Variants in ZRANB3 observed in about 807,000 individuals in gnomAD.
ZRANB3 encodes the protein DNA annealing helicase and endonuclease ZRANB3.
A neutral mutation model predicts 133.8 loss-of-function variants in ZRANB3; 125 were observed. The observed-to-expected ratio is 0.93, with a 90% CI of 0.81 to 1.08. The LOEUF (loss-of-function observed/expected upper bound fraction) is 1.08, where lower values mean the gene tolerates loss of function less well. ZRANB3 is among the 50% of genes least tolerant of loss of function. The pLI is 0.00. For synonymous variants in ZRANB3, 387 were observed against 432.7 expected (o/e 0.89, Z 1.31); for missense variants, 1,229 against 1,275.5 (o/e 0.96, Z 0.56).
At chr2:135,346,139 C>G (rs1684911309) in intron 5 of ZRANB3, among the ~76,000 whole-genome samples, 1 of 152,166 alleles carries the variant, frequency 6.6e-6, no homozygotes, top group Non-Finnish European at 1.5e-5. Context: ...CTCTGTCGCC[C>G]AGGCTGGAGT....
At chr2:135,449,614 C>T (rs1239241959) in intron 2 of ZRANB3, among the ~76,000 whole-genome samples, 2 of 152,188 alleles carry the variant, frequency 1.3e-5, no homozygotes, top group Non-Finnish European at 2.9e-5. Context: ...AGTGAGATTC[C>T]ATCTCAAAAA....
Position 135,206,438 on chromosome 2 carries a change from C to T in ZRANB3, c.3009+996G>A, listed in dbSNP as rs183703820. On this transcript the variant is annotated intron_variant, in intron 19 of 20. Coordinates refer to ENST00000264159, the MANE Select transcript of ZRANB3 (RefSeq NM_032143.4). ...TACTTTTAGTAGAGATGGGGTTTCT[C>T]CATATTGGCCAGGCTGGTCTCGAAC... is the stretch of plus-strand genomic sequence containing the variant. 2.6e-5 allele frequency among the ~76,000 whole-genome samples: 4 copies of T among 151,910 alleles called. No individual in the cohort carries two copies. The East Asian group carries it at 7.8e-4, about 30-fold the overall frequency.
At chr2:135,259,236 C>T (rs1679821824) in intron 12 of ZRANB3, among the ~76,000 whole-genome samples, 1 of 151,882 alleles carries the variant, frequency 6.6e-6, no homozygotes, top group South Asian at 2.1e-4. Flanking sequence ...GCCATGTTGC[C>T]CAGGCAGGTC....
intron 12 of ZRANB3, among the ~76,000 whole-genome samples, chr2:135,256,286 A>G (rs951180858): frequency 7.2e-5 from 11 of 152,094 alleles, no homozygotes; most frequent in African/African-American, 2.4e-4. Context: ...TCTTTCACTT[A>G]GCAAATTTTC....
In ZRANB3 at chr2:135,200,108, C is replaced by T. The variant is rs1166295615; in HGVS notation, c.*234G>A. ...ACAAAACATTGCTGAAACATAATTG[C>T]GAGTCTGAATCAAATCAAAAAGACC... On this transcript the variant is annotated 3_prime_UTR_variant, in exon 21 of 21. Transcript: ENST00000264159. 5.1e-6 allele frequency: 3 copies of T among 587,398 alleles called. No individual in the cohort carries two copies. Among genetic ancestry groups the T allele is most frequent in the Non-Finnish European group, 6.1e-6 (2 of 327,072 alleles). 36.4% of individuals were successfully genotyped at this position (587,398 alleles called of 1,614,324 possible).
At chr2:135,379,182 T>C (rs1686573511) in intron 3 of ZRANB3, among the ~76,000 whole-genome samples, 1 of 152,176 alleles carries the variant, frequency 6.6e-6, no homozygotes, top group Non-Finnish European at 1.5e-5. Context: ...TTGTATTAAA[T>C]TAAAAATTTT....
chr2:135,251,535 A>G (rs976063426), intron 12 of ZRANB3, among the ~76,000 whole-genome samples: 2 of 152,154 alleles, frequency 1.3e-5, no homozygotes, highest in Admixed American at 6.5e-5. Context: ...GAGGGACACA[A>G]GGGTAGGTAA....
intron 6 of ZRANB3, among the ~76,000 whole-genome samples, chr2:135,326,229 A>G (rs1014126134): frequency 1.8e-4 from 28 of 152,254 alleles, no homozygotes; most frequent in Non-Finnish European, 2.2e-4. Context: ...GTAAAATTAA[A>G]TATGTTTTAT....
intron 2 of ZRANB3, among the ~76,000 whole-genome samples, chr2:135,496,245 G>A (rs112986093): frequency 2.6e-3 from 397 of 152,010 alleles, no homozygotes; most frequent in African/African-American, 8.9e-3. Context: ...TTAGCCAGGC[G>A]TGGTGGCGTG....
Position 135,399,851 on chromosome 2 carries a change from T to C in ZRANB3, c.162-9031A>G, listed in dbSNP as rs1203556524. Among the ~76,000 whole-genome samples the C allele has an allele frequency of 2.6e-5, 4 of 152,216 alleles. No individual in the cohort carries two copies. The South Asian group carries it at 6.2e-4, about 24-fold the overall frequency. ...TCTGTAACTGGTGATCTCTGTGTCA[T>C]TGTAGCTCTTTCAGTGTATAAGGCC... On this transcript the variant is annotated intron_variant, in intron 2 of 20. Coordinates refer to ENST00000264159, the MANE Select transcript of ZRANB3 (RefSeq NM_032143.4).
intron 12 of ZRANB3, among the ~76,000 whole-genome samples, chr2:135,236,988 T>G (rs1438614709): frequency 1.3e-5 from 2 of 151,822 alleles, no homozygotes; most frequent in African/African-American, 2.4e-5. Context: ...GAAACTACCA[T>G]CAGAGTGAAC....
At chr2:135,389,002 TG>T (rs1437616616) in intron 3 of ZRANB3, among the ~76,000 whole-genome samples, 1 of 152,036 alleles carries the variant, frequency 6.6e-6, no homozygotes, top group Non-Finnish European at 1.5e-5. Context: ...GGCGTGAACC[TG>T]GGAGGCGAAC....
intron 2 of ZRANB3, among the ~76,000 whole-genome samples, chr2:135,497,768 T>G (rs1198578352): frequency 6.6e-6 from 1 of 152,070 alleles, no homozygotes; most frequent in African/African-American, 2.4e-5. Context: ...AATAAGTAAG[T>G]GAGGCTGAGC....
At chr2:135,428,830 T>C (rs1001697126) in intron 2 of ZRANB3, among the ~76,000 whole-genome samples, 1 of 152,212 alleles carries the variant, frequency 6.6e-6, no homozygotes. Flanking sequence ...CAAACCAAGA[T>C]GACATACTGT....
At chr2:135,461,777 G>C (rs1690777285) in intron 2 of ZRANB3, among the ~76,000 whole-genome samples, 1 of 152,134 alleles carries the variant, frequency 6.6e-6, no homozygotes, top group Non-Finnish European at 1.5e-5. Flanking sequence ...TCAAATATAG[G>C]TTCTGCCACT....
At position 135,200,383 on chromosome 2, in the gene ZRANB3, T is replaced by C; in HGVS notation, c.3199A>G (p.Lys1067Glu). ...SQVRRQSLASKHGSDITRFLV... is the reference protein window; with the variant it reads ...SQVRRQSLASEHGSDITRFLV... ...AATCGTGTGATGTCTGATCCATGCT[T>C]TGATGCTAGAGATTGTCTTCTCACC... is the stretch of plus-strand genomic sequence containing the variant. Residue 1067 changes from lysine to glutamate, a missense_variant, in exon 21 of 21, where the codon AAG becomes GAG. Physicochemically the swap from Lys to Glu is moderately conservative, Grantham distance 56 (BLOSUM62 1). Coordinates refer to ENST00000264159, the MANE Select transcript of ZRANB3 (RefSeq NM_032143.4). The C allele has an allele frequency of 6.2e-7, 1 of 1,607,278 alleles. No individual in the cohort carries two copies. The highest frequency in any genetic ancestry group is 8.5e-7 in the Non-Finnish European group (1 of 1,176,586).
At chr2:135,297,420 T>C (rs1254034754) in intron 8 of ZRANB3, among the ~76,000 whole-genome samples, 4 of 152,132 alleles carry the variant, frequency 2.6e-5, no homozygotes, top group African/African-American at 9.6e-5. Flanking sequence ...GTGAAGCCCA[T>C]TGGAAAAGCG....
intron 1 of ZRANB3, among the ~76,000 whole-genome samples, chr2:135,522,524 G>C (rs1293535413): frequency 6.6e-6 from 1 of 152,128 alleles, no homozygotes; most frequent in Non-Finnish European, 1.5e-5. Flanking sequence ...ATCTGGCCAG[G>C]CAAGGTAGCT....
At chr2:135,401,964 T>C (rs1687751641) in intron 2 of ZRANB3, among the ~76,000 whole-genome samples, 1 of 152,210 alleles carries the variant, frequency 6.6e-6, no homozygotes, top group Non-Finnish European at 1.5e-5. Context: ...AATACTATCA[T>C]ATTAAATTAA....
Sources: allele counts gnomAD v4.1 joint callset (sites outside exome capture counted in the v4.1 genomes callset), GRCh38; gene constraint gnomAD v4.1.1; transcripts MANE v1.5; gene names NCBI Gene and HGNC (gene_info 2026-07-23, HGNC 2026-07-21).